HIBCH: variants seen among roughly 807,000 people sequenced by gnomAD.
HIBCH encodes 3-hydroxyisobutyryl-CoA hydrolase.
In HIBCH, 50 loss-of-function variants were observed where a neutral mutation model predicts 58.2. That is an observed-to-expected ratio of 0.86 (90% CI 0.68 to 1.09). The LOEUF is 1.09. Among genes scored for constraint, HIBCH ranks in the 50% least tolerant of loss-of-function variants. The pLI is 0.00. For missense variants in HIBCH, 450 were observed against 449.7 expected, an observed-to-expected ratio of 1.00 and a Z score of -0.01; for synonymous variants, 151 against 146.9, an observed-to-expected ratio of 1.03 and a Z score of -0.20.
intron 6 of HIBCH, among the ~76,000 whole-genome samples, chr2:190,272,090 A>G (rs1687415966): frequency 6.6e-6 from 1 of 151,902 alleles, no homozygotes; most frequent in South Asian, 2.1e-4. Context: ...ACTTCCTCCA[A>G]AAGGCTTTCC....
At chr2:190,219,923 T>C (rs920881732) in intron 11 of HIBCH, among the ~76,000 whole-genome samples, 3 of 152,230 alleles carry the variant, frequency 2.0e-5, no homozygotes, top group African/African-American at 7.2e-5. Flanking sequence ...AGAAATACAG[T>C]AGCTCTTTCC....
Position 190,217,451 on chromosome 2 carries a change from C to T in HIBCH, c.892-4376G>A, listed in dbSNP as rs1685588213. ...GTGAGTTGAGATCACACACTGCACTCCAGCCTGGGCGACAGAACGAGATTC... is the reference window on the plus strand; with the variant it reads ...GTGAGTTGAGATCACACACTGCACTTCAGCCTGGGCGACAGAACGAGATTC... On this transcript the variant is annotated intron_variant, in intron 11 of 13. Coordinates refer to ENST00000359678, the MANE Select transcript of HIBCH (RefSeq NM_014362.4). This position sits in a 1 kb window ranked among gnomAD's most constrained non-coding sequence, Gnocchi z 4.6. 6.6e-6 allele frequency among the ~76,000 whole-genome samples: 1 copy of T among 152,146 alleles called. No individual in the cohort carries two copies. Among genetic ancestry groups the T allele is most frequent in the South Asian group, 2.1e-4 (1 of 4,828 alleles).
intron 11 of HIBCH, among the ~76,000 whole-genome samples, chr2:190,239,735 C>T (rs748220565): frequency 1.1e-4 from 16 of 151,470 alleles, no homozygotes; most frequent in South Asian, 2.1e-4. Flanking sequence ...CTGCAACCTC[C>T]GCCTCCTGGG....
In HIBCH at chr2:190,216,368, G is replaced by A. The variant is rs1010683693; in HGVS notation, c.892-3293C>T. On this transcript the variant is annotated intron_variant, in intron 11 of 13. Transcript: ENST00000359678. This position sits in a 1 kb window ranked among gnomAD's most constrained non-coding sequence, Gnocchi z 4.2. ...TCAGATTATGGAAGGGTAAATGGAT[G>A]AAATGACCATTAAGGTTTTGTTGTT... is the stretch of plus-strand genomic sequence containing the variant. Among the ~76,000 whole-genome samples the A allele has an allele frequency of 3.9e-5, 6 of 152,228 alleles. No individual in the cohort carries two copies. The highest frequency in any genetic ancestry group is 8.8e-5 in the Non-Finnish European group (6 of 68,040).
intron 7 of HIBCH, among the ~76,000 whole-genome samples, chr2:190,259,707 C>A (rs1018383793): frequency 1.3e-5 from 2 of 152,092 alleles, no homozygotes; most frequent in Non-Finnish European, 2.9e-5. Context: ...TTATATCCTA[C>A]AGCTTTACTG....
At chr2:190,194,645 T>C (rs1345909728) in intron 1 of HIBCH, among the ~76,000 whole-genome samples, 1 of 152,196 alleles carries the variant, frequency 6.6e-6, no homozygotes, top group Admixed American at 6.5e-5. Context: ...TAGTATCATA[T>C]AGAATAGTTT....
chr2:190,296,336 C>T (rs1011490369), intron 3 of HIBCH, among the ~76,000 whole-genome samples: 12 of 151,352 alleles, frequency 7.9e-5, no homozygotes, highest in East Asian at 3.9e-4. Context: ...AGGAGAATGG[C>T]ATGAACCCGG....
At chr2:190,293,547 T>A (rs1688010241) in intron 4 of HIBCH, among the ~76,000 whole-genome samples, 1 of 152,084 alleles carries the variant, frequency 6.6e-6, no homozygotes, top group South Asian at 2.1e-4. Flanking sequence ...ACAGATCAGT[T>A]TAAGTAATCA....
At position 190,224,912 on chromosome 2, in the gene HIBCH, G is replaced by C. The variant is rs112472505; in HGVS notation, c.892-11837C>G. Among the ~76,000 whole-genome samples the C allele has an allele frequency of 2.6e-5, 4 of 152,196 alleles. 1 individual carries two copies. In the South Asian group the frequency reaches 8.3e-4, roughly 32 times the overall value. On this transcript the variant is annotated intron_variant, in intron 11 of 13. Coordinates refer to ENST00000359678, the MANE Select transcript of HIBCH (RefSeq NM_014362.4). Reference sequence around the variant, plus strand: ...CAGCAAATGTAAAAGAACAGAAATTGTAACAGTCTCTCAGACCACAGTGCA... The same window carrying C: ...CAGCAAATGTAAAAGAACAGAAATTCTAACAGTCTCTCAGACCACAGTGCA...
chr2:190,301,108 C>A (rs950180353), intron 2 of HIBCH, among the ~76,000 whole-genome samples: 47 of 152,358 alleles, frequency 3.1e-4, no homozygotes, highest in African/African-American at 1.1e-3. Context: ...TTCCCACTCT[C>A]TTGCTGAACT....
chr2:190,262,883 C>A (rs1241211395), intron 6 of HIBCH, among the ~76,000 whole-genome samples: 2 of 152,082 alleles, frequency 1.3e-5, no homozygotes, highest in Non-Finnish European at 2.9e-5. Flanking sequence ...GAATAAGAGA[C>A]CACTGACATA....
intron 10 of HIBCH, 137 bp downstream of exon 10, chr2:190,246,017 A>G: frequency 5.6e-6 from 3 of 534,112 alleles, no homozygotes; most frequent in East Asian, 3.4e-5. Context: ...AAGGAAGGAA[A>G]GCTCTATACT....
At chr2:190,310,948 G>C (rs939037134) in intron 1 of HIBCH, 152 bp from the exon 2 acceptor site, 9 of 711,768 alleles carry the variant, frequency 1.3e-5, no homozygotes, top group Non-Finnish European at 2.1e-5. Flanking sequence ...ACTGCTGGTA[G>C]GAACATTAAA....
At chr2:190,318,352 A>G (rs1340391148) in intron 1 of HIBCH, among the ~76,000 whole-genome samples, 1 of 152,038 alleles carries the variant, frequency 6.6e-6, no homozygotes, top group African/African-American at 2.4e-5. Flanking sequence ...AAGCCAAGGG[A>G]GGCCAGAGTT....
intron 11 of HIBCH, among the ~76,000 whole-genome samples, chr2:190,220,796 T>C (rs761413236): frequency 3.3e-5 from 5 of 152,030 alleles, no homozygotes; most frequent in African/African-American, 4.8e-5. Context: ...AAGAACTTCA[T>C]TGACAATGCT....
At chr2:190,275,573 A>G (rs1450549217) in intron 6 of HIBCH, among the ~76,000 whole-genome samples, 1 of 152,240 alleles carries the variant, frequency 6.6e-6, no homozygotes, top group Admixed American at 6.5e-5. Flanking sequence ...CTAAAATTGA[A>G]GCAAGAACAA....
intron 5 of HIBCH, among the ~76,000 whole-genome samples, chr2:190,289,662 G>C (rs1687915388): frequency 6.6e-6 from 1 of 151,960 alleles, no homozygotes; most frequent in African/African-American, 2.4e-5. Flanking sequence ...CTGGGCTGGA[G>C]GGTACACAAG....
chr2:190,302,533 C>T (rs150276655), intron 2 of HIBCH, among the ~76,000 whole-genome samples: 405 of 151,440 alleles, frequency 2.7e-3, no homozygotes, highest in African/African-American at 9.3e-3. Context: ...TGGTCAGTTG[C>T]TGTGTCAAAA....
intron 6 of HIBCH, among the ~76,000 whole-genome samples, chr2:190,278,449 C>G (rs1437377712): frequency 6.6e-6 from 1 of 152,204 alleles, no homozygotes; most frequent in Non-Finnish European, 1.5e-5. Flanking sequence ...AGTGATCCGC[C>G]AGCCTAGGCC....
Sources: allele counts gnomAD v4.1 joint callset (sites outside exome capture counted in the v4.1 genomes callset), GRCh38; gene constraint gnomAD v4.1.1; non-coding constraint Gnocchi (gnomAD v3.1); transcripts MANE v1.5; gene names NCBI Gene and HGNC (gene_info 2026-07-23, HGNC 2026-07-21).